ROBO1: variants seen among roughly 807,000 people sequenced by gnomAD.
The protein encoded by ROBO1 is roundabout guidance receptor 1, also known as roundabout homolog 1.
Under a neutral mutation model 195.9 loss-of-function variants are expected in ROBO1, and 149 were observed. The ratio of observed to expected loss-of-function variants is 0.76; its 90% CI spans 0.67 to 0.87. ROBO1 has a LOEUF of 0.87. Ranked by LOEUF, ROBO1 falls within the 40% of genes least tolerant of loss-of-function variation. The pLI is 0.00. For synonymous variants in ROBO1, 816 were observed against 733.2 expected, an observed-to-expected ratio of 1.11 and a Z score of -1.82; for missense variants, 1,933 against 2,068.3, an observed-to-expected ratio of 0.93 and a Z score of 1.27.
chr3:79,639,729 A>G (rs1185324546), intron 1 of ROBO1, among the ~76,000 whole-genome samples: 3 of 152,222 alleles, frequency 2.0e-5, no homozygotes, highest in Non-Finnish European at 1.5e-5. Context: ...TATGATATTT[A>G]TCAACAAAGC....
At chr3:79,336,154 C>A (rs899857689) in intron 2 of ROBO1, among the ~76,000 whole-genome samples, 2 of 152,134 alleles carry the variant, frequency 1.3e-5, no homozygotes, top group Non-Finnish European at 2.9e-5. Context: ...AAAGAAAAAC[C>A]CATTTTCTGG....
chr3:79,683,928 A>T (rs375609210), intron 1 of ROBO1, among the ~76,000 whole-genome samples: 18 of 152,038 alleles, frequency 1.2e-4, no homozygotes, highest in African/African-American at 3.9e-4. Context: ...CACGTTTTTG[A>T]GTGGACACAT....
intron 2 of ROBO1, among the ~76,000 whole-genome samples, chr3:79,219,061 T>C (rs2108820434): frequency 6.6e-6 from 1 of 152,176 alleles, no homozygotes; most frequent in African/African-American, 2.4e-5. Context: ...TTAAATAGCT[T>C]CTGACTAATG....
chr3:78,672,594 CA>C (rs368446414), intron 10 of ROBO1, among the ~76,000 whole-genome samples: 4,604 of 73,912 alleles, frequency 0.062, 50 homozygotes, highest in Non-Finnish European at 0.085. Context: ...GACCCTGTCT[CA>C]AAAAAAAAAA....
At chr3:79,468,468 CTATATTTCATAGTAATTAAA>C (rs1559920770) in intron 2 of ROBO1, among the ~76,000 whole-genome samples, 1 of 152,108 alleles carries the variant, frequency 6.6e-6, no homozygotes, top group Non-Finnish European at 1.5e-5. Flanking sequence ...CTACTATGCC[CTATATTTCATAGTAATTAAA>C]TATGTTAATT....
At chr3:78,756,174 G>T (rs1386572753) in intron 4 of ROBO1, among the ~76,000 whole-genome samples, 1 of 151,964 alleles carries the variant, frequency 6.6e-6, no homozygotes, top group Admixed American at 6.6e-5. Context: ...TACTGTGATG[G>T]TAACACTAAG....
intron 5 of ROBO1, among the ~76,000 whole-genome samples, chr3:78,719,966 T>A (rs2082002305): frequency 6.6e-6 from 1 of 152,182 alleles, no homozygotes; most frequent in African/African-American, 2.4e-5. Flanking sequence ...TATAAATATA[T>A]CATTTAAATT....
intron 2 of ROBO1, among the ~76,000 whole-genome samples, chr3:79,503,580 C>A (rs561277814): frequency 6.6e-6 from 1 of 152,192 alleles, no homozygotes; most frequent in South Asian, 2.1e-4. Context: ...TCTCTATAAA[C>A]AACAAAACCA....
intron 4 of ROBO1, among the ~76,000 whole-genome samples, chr3:78,932,338 A>C (rs2039577510): frequency 1.3e-5 from 2 of 152,204 alleles, no homozygotes; most frequent in South Asian, 4.1e-4. Flanking sequence ...TTTATATCTA[A>C]GTATCAACTA....
chr3:79,143,931 GA>G (rs1266181540), intron 2 of ROBO1, among the ~76,000 whole-genome samples: 2 of 151,596 alleles, frequency 1.3e-5, no homozygotes, highest in Non-Finnish European at 2.9e-5. Context: ...TTCTATAAAT[GA>G]AATCATACAG....
chr3:78,865,951 G>A (rs531125), intron 4 of ROBO1, among the ~76,000 whole-genome samples: 45,840 of 151,894 alleles, frequency 0.3, 7,083 homozygotes, highest in Non-Finnish European at 0.34. Flanking sequence ...CATAGCTCTC[G>A]AATAGAGGAT....
chr3:79,007,994 G>A (rs909864481), intron 3 of ROBO1, among the ~76,000 whole-genome samples: 10 of 152,160 alleles, frequency 6.6e-5, no homozygotes, highest in African/African-American at 2.4e-4. Flanking sequence ...ACCTCTGAAA[G>A]CAGATTTTTC....
rs1392593642 is a variant in ROBO1 at position 78,617,739 on chromosome 3, G to A, written c.4178C>T (p.Ser1393Leu). 8 of 1,613,912 alleles carry A rather than the reference G, an allele frequency of 5.0e-6. No individual in the cohort carries two copies. Among genetic ancestry groups the A allele is most frequent in the Non-Finnish European group, 5.9e-6 (7 of 1,179,852 alleles). Reference protein sequence around the residue: ...ISSGRSSVSSSDGSFFTDADF... With the variant: ...ISSGRSSVSSLDGSFFTDADF... The stretch of plus-strand genomic sequence containing the variant: ...AGCATCAGTGAAAAAGGAGCCGTCC[G>A]AAGAACTAACACTGGAGCGTCCGCT... Residue 1393 changes from serine (S) to leucine (L), a missense_variant, in exon 27 of 31, where the codon TCG becomes TTG. This residue lies in a region of ROBO1 where 1,737 missense variants were observed against 1,882.5 expected (regional missense o/e 0.92). Coordinates refer to ENST00000464233, the MANE Select transcript of ROBO1 (RefSeq NM_002941.4).
intron 4 of ROBO1, among the ~76,000 whole-genome samples, chr3:78,840,928 G>A (rs534003827): frequency 6.6e-6 from 1 of 151,802 alleles, no homozygotes; most frequent in African/African-American, 2.4e-5. Context: ...TGGGCGTGGT[G>A]GTGGGCGCCT....
At chr3:79,706,902 T>C (rs1351207409) in intron 1 of ROBO1, among the ~76,000 whole-genome samples, 5 of 152,154 alleles carry the variant, frequency 3.3e-5, no homozygotes, top group African/African-American at 1.2e-4. Context: ...TTGAATTCAA[T>C]TTGCTAATAT....
chr3:78,757,090 C>T (rs1256960295), intron 4 of ROBO1, among the ~76,000 whole-genome samples: 2 of 152,072 alleles, frequency 1.3e-5, no homozygotes, highest in Non-Finnish European at 2.9e-5. Context: ...CAGGGTTTCG[C>T]AATGTTGGCC....
intron 25 of ROBO1, among the ~76,000 whole-genome samples, chr3:78,630,859 A>G (rs1018862045): frequency 1.3e-5 from 2 of 152,194 alleles, no homozygotes; most frequent in African/African-American, 4.8e-5. Flanking sequence ...CTCAAAAATC[A>G]CAAAATTATA....
intron 2 of ROBO1, among the ~76,000 whole-genome samples, chr3:79,445,589 T>G (rs1031201399): frequency 1.3e-5 from 2 of 150,170 alleles, no homozygotes; most frequent in Non-Finnish European, 3.0e-5. Flanking sequence ...AGCCTCAAAT[T>G]CCTGGGCTCA....
At chr3:79,440,249 T>C (rs1369318896) in intron 2 of ROBO1, among the ~76,000 whole-genome samples, 1 of 152,086 alleles carries the variant, frequency 6.6e-6, no homozygotes, top group Non-Finnish European at 1.5e-5. Flanking sequence ...TGAAAGTATG[T>C]CATGAAAAGG....
Sources: allele counts gnomAD v4.1 joint callset (sites outside exome capture counted in the v4.1 genomes callset), GRCh38; gene constraint gnomAD v4.1.1; regional missense constraint gnomAD v4.1.1; transcripts MANE v1.5; gene names NCBI Gene and HGNC (gene_info 2026-07-23, HGNC 2026-07-21).